Variants in NRXN1 observed in about 807,000 individuals in gnomAD.
NRXN1 encodes the protein neurexin-1.
Under a neutral mutation model 150.9 loss-of-function variants are expected in NRXN1, and 39 were observed. That is an observed-to-expected ratio of 0.26 (90% CI 0.20 to 0.34). The LOEUF is 0.34. Among genes scored for constraint, NRXN1 ranks in the 10% least tolerant of loss-of-function variants. The pLI is 1.00. For missense variants in NRXN1, 1,815 were observed against 1,949.9 expected, an observed-to-expected ratio of 0.93 and a Z score of 1.30; for synonymous variants, 924 against 757.0, an observed-to-expected ratio of 1.22 and a Z score of -3.62.
At chr2:50,112,297 C>T (rs1002431704) in intron 18 of NRXN1, among the ~76,000 whole-genome samples, 1 of 152,094 alleles carries the variant, frequency 6.6e-6, no homozygotes, top group African/African-American at 2.4e-5. Context: ...TCCTTATTAC[C>T]CCTGCTACTG....
chr2:49,921,706 A>G lies in NRXN1; in HGVS notation c.*238T>C. ...AACATAAAGACAAGCAGAGTAAATGAAAACACTGTGGATGTTAGGGAATTT... is the reference window on the plus strand; with the variant it reads ...AACATAAAGACAAGCAGAGTAAATGGAAACACTGTGGATGTTAGGGAATTT... On this transcript the variant is annotated 3_prime_UTR_variant, in exon 23 of 23. Transcript: ENST00000401669. 1.9e-6 allele frequency: 1 copy of G among 524,016 alleles called. No individual in the cohort carries two copies. Among genetic ancestry groups the G allele is most frequent in the Non-Finnish European group, 3.4e-6 (1 of 297,156 alleles). 32.5% of individuals were successfully genotyped at this position (524,016 alleles called of 1,614,324 possible).
chr2:49,954,026 A>G (rs1674476359), intron 21 of NRXN1, among the ~76,000 whole-genome samples: 1 of 152,180 alleles, frequency 6.6e-6, no homozygotes, highest in Admixed American at 6.6e-5. Context: ...GAAAAAATAA[A>G]AAAATTATTA....
At chr2:50,420,803 G>C (rs1259955202) in intron 17 of NRXN1, among the ~76,000 whole-genome samples, 1 of 151,978 alleles carries the variant, frequency 6.6e-6, no homozygotes, top group Non-Finnish European at 1.5e-5. Context: ...TTTTGCTGTG[G>C]TAATCCTATT....
intron 8 of NRXN1, chr2:50,554,543 C>T (rs979160107): frequency 6.6e-6 from 1 of 152,072 alleles, no homozygotes; most frequent in Admixed American, 6.6e-5. Context: ...TAAGAAAATA[C>T]ACATAAGTGG....
In NRXN1 at chr2:50,497,481, T is replaced by C. The variant is rs2091701971; in HGVS notation, c.2731A>G (p.Thr911Ala). 1.2e-6 allele frequency: 2 copies of C among 1,613,870 alleles called. No individual in the cohort carries two copies. Among genetic ancestry groups the C allele is most frequent in the Non-Finnish European group, 1.7e-6 (2 of 1,179,850 alleles). The change falls in exon 14 of 23, where the codon ACC becomes GCC. Residue 911 changes from threonine to alanine, a missense_variant. Physicochemically the swap from Thr to Ala is moderately conservative, Grantham distance 58. Coordinates refer to ENST00000401669, the MANE Select transcript of NRXN1 (RefSeq NM_001330078.2). Reference protein sequence around the residue: ...NIIADPVTFKTKSSYVALATL... With the variant: ...NIIADPVTFKAKSSYVALATL... ...GCTAAGGCAACATAGCTCGATTTGGTCTTGAAGGTGACAGGATCTGCTATG... is the reference window on the plus strand; with the variant it reads ...GCTAAGGCAACATAGCTCGATTTGGCCTTGAAGGTGACAGGATCTGCTATG...
intron 17 of NRXN1, among the ~76,000 whole-genome samples, chr2:50,243,678 C>T (rs2066241236): frequency 6.6e-6 from 1 of 151,742 alleles, no homozygotes; most frequent in African/African-American, 2.4e-5. Context: ...CCTCCAGTAT[C>T]CAGGAGGACT....
chr2:50,600,009 A>C (rs2103930088), intron 8 of NRXN1, among the ~76,000 whole-genome samples: 1 of 152,234 alleles, frequency 6.6e-6, no homozygotes, highest in Admixed American at 6.5e-5. Flanking sequence ...ATTATATATT[A>C]AACTACCCAG....
chr2:50,208,038 C>T (rs1190184043), intron 18 of NRXN1, among the ~76,000 whole-genome samples: 7 of 152,096 alleles, frequency 4.6e-5, no homozygotes, highest in Non-Finnish European at 1.5e-5. Flanking sequence ...TGGTGAGCTG[C>T]TGTGCTCCAC....
chr2:50,393,847 G>T (rs1383921444), intron 17 of NRXN1, among the ~76,000 whole-genome samples: 1 of 152,000 alleles, frequency 6.6e-6, no homozygotes, highest in African/African-American at 2.4e-5. Context: ...AAAAATCACA[G>T]GCAGCAAATA....
chr2:49,939,734 GC>G (rs1390184225), intron 22 of NRXN1, among the ~76,000 whole-genome samples: 3 of 152,120 alleles, frequency 2.0e-5, no homozygotes, highest in African/African-American at 7.2e-5. Flanking sequence ...GGGGGAAAAA[GC>G]CACCATTTAT....
At chr2:50,280,618 G>A (rs1320100965) in intron 17 of NRXN1, among the ~76,000 whole-genome samples, 3 of 152,162 alleles carry the variant, frequency 2.0e-5, no homozygotes, top group Non-Finnish European at 4.4e-5. Flanking sequence ...AACGCTTTGA[G>A]GATAGCCTGA....
chr2:50,970,310 C>A (rs868531223), intron 2 of NRXN1, among the ~76,000 whole-genome samples: 2 of 151,980 alleles, frequency 1.3e-5, no homozygotes, highest in Non-Finnish European at 2.9e-5. Flanking sequence ...CAGAGAAAAA[C>A]TTTAGCTTCT....
chr2:50,019,594 A>T (rs996879332), intron 21 of NRXN1, among the ~76,000 whole-genome samples: 9 of 122,996 alleles, frequency 7.3e-5, no homozygotes, highest in African/African-American at 2.5e-4. Context: ...GTGAACCGAG[A>T]TGCTGCCATT....
intron 5 of NRXN1, among the ~76,000 whole-genome samples, chr2:50,854,540 CTT>C (rs1674984880): frequency 1.3e-5 from 2 of 152,190 alleles, no homozygotes; most frequent in South Asian, 4.1e-4. Flanking sequence ...TCAAATCACA[CTT>C]TGTTTGAAAG....
In NRXN1 at chr2:50,346,804, C is replaced by G; in HGVS notation, c.3365-109834G>C. On this transcript the variant is annotated intron_variant, in intron 17 of 22. Transcript: ENST00000401669. The surrounding 1 kb of genome is among the most constrained non-coding windows in gnomAD (Gnocchi z 5.0). ...GTGCGCTCCCAAACTGGATGCCCCC[C>G]ACGCCACTCCTAGGAGGCCGCTGAG... The G allele has an allele frequency of 1.2e-6, 2 of 1,613,312 alleles. No individual in the cohort carries two copies. Among genetic ancestry groups the G allele is most frequent in the Non-Finnish European group, 1.7e-6 (2 of 1,179,858 alleles).
chr2:50,372,617 A>G (rs2080110577), intron 17 of NRXN1, among the ~76,000 whole-genome samples: 1 of 152,176 alleles, frequency 6.6e-6, no homozygotes, highest in Non-Finnish European at 1.5e-5. Context: ...GACTTAGAGT[A>G]TAAAGTTTTT....
At chr2:50,034,570 T>C (rs1689719715) in intron 21 of NRXN1, among the ~76,000 whole-genome samples, 1 of 151,800 alleles carries the variant, frequency 6.6e-6, no homozygotes, top group East Asian at 1.9e-4. Flanking sequence ...GGTGACAAAA[T>C]AGTCTGTATA....
chr2:50,270,018 C>G (rs1421596051), intron 17 of NRXN1, among the ~76,000 whole-genome samples: 1 of 152,014 alleles, frequency 6.6e-6, no homozygotes, highest in Non-Finnish European at 1.5e-5. Context: ...TTAAAAAGCC[C>G]TATCTGCATG....
In NRXN1 at chr2:51,027,963, A is replaced by G; in HGVS notation, c.311T>C (p.Leu104Pro). The change falls in exon 2 of 23, where the codon CTG becomes CCG. Residue 104 changes from leucine (L) to proline (P), a missense_variant. Around this residue, in one of 6 missense-constraint regions of NRXN1, gnomAD observed 554 missense variants for 478.8 expected, o/e 1.16. Transcript: ENST00000401669. ...GCCGTCGTTAACCGGCGTGTCGGCC[A>G]GGAGCGTCGCAGGCTCAGCGCAGAA... Reference protein sequence around the residue: ...SIFCAEPATLLADTPVNDGAW... With the variant: ...SIFCAEPATLPADTPVNDGAW... 6.2e-7 allele frequency: 1 copy of G among 1,602,432 alleles called. No individual in the cohort carries two copies. Among genetic ancestry groups the G allele is most frequent in the Non-Finnish European group, 8.5e-7 (1 of 1,179,480 alleles).
Sources: gnomAD v4.1 joint callset for allele counts (sites outside exome capture counted in the v4.1 genomes callset) on GRCh38, gnomAD v4.1.1 for gene constraint, gnomAD v4.1.1 regional missense constraint, Gnocchi (gnomAD v3.1) non-coding constraint, MANE v1.5 for transcripts, NCBI Gene and HGNC (gene_info 2026-07-23, HGNC 2026-07-21) for gene names.